The following MCOLN2 variants were observed in gnomAD, a reference collection of about 807,000 sequenced individuals.
MCOLN2 encodes mucolipin-2.
In MCOLN2, 57 loss-of-function variants were observed where a neutral mutation model predicts 67.5. The observed-to-expected ratio is 0.84, with a 90% confidence interval of 0.68 to 1.05. The LOEUF is 1.05. Among genes scored for constraint, MCOLN2 ranks in the 50% least tolerant of loss-of-function variants. MCOLN2 has a pLI of 0.00. For missense variants in MCOLN2, 620 were observed against 678.8 expected (o/e 0.91, Z 0.96); for synonymous variants, 246 against 233.3 (o/e 1.05, Z -0.50).
At chr1:84,951,602 G>A (rs1321095936) in intron 6 of MCOLN2, among the ~76,000 whole-genome samples, 1 of 152,124 alleles carries the variant, frequency 6.6e-6, no homozygotes, top group East Asian at 1.9e-4. Context: ...CTCTAAAGCT[G>A]GGAAGAACAC....
intron 1 of MCOLN2, among the ~76,000 whole-genome samples, chr1:84,983,122 C>T (rs1650341002): frequency 6.6e-6 from 1 of 152,108 alleles, no homozygotes; most frequent in South Asian, 2.1e-4. Context: ...TTTTTATCCT[C>T]ATCACAGTGA....
Position 84,958,567 on chromosome 1 carries a change from C to G in MCOLN2, c.373G>C (p.Glu125Gln). Residue 125 changes from glutamate to glutamine, a missense_variant, in exon 3 of 14, where the codon GAG becomes CAG. Coordinates refer to ENST00000370608, the MANE Select transcript of MCOLN2 (RefSeq NM_153259.4). ...AAAAAGATGCTCTCATAGGCATCCT[C>G]TTGAGTATATACACTGCAGCTGTAG... ...DDYSCSVYTQEDAYESIFFAI... is the reference protein window; with the variant it reads ...DDYSCSVYTQQDAYESIFFAI... 6.2e-7 allele frequency: 1 copy of G among 1,605,322 alleles called. No homozygotes were observed. The highest frequency in any genetic ancestry group is 8.5e-7 in the Non-Finnish European group (1 of 1,178,354).
chr1:84,950,330 G>A (rs1016330926), intron 6 of MCOLN2, among the ~76,000 whole-genome samples: 7 of 152,144 alleles, frequency 4.6e-5, no homozygotes, highest in African/African-American at 1.7e-4. Context: ...CAGACAACCA[G>A]TCCTAGGAAT....
At chr1:84,969,570 CA>C (rs60003501) in intron 1 of MCOLN2, among the ~76,000 whole-genome samples, 20,039 of 80,632 alleles carry the variant, frequency 0.25, 1,765 homozygotes, top group African/African-American at 0.42. Flanking sequence ...GACTCTGCCT[CA>C]AAAAAAAAAA....
chr1:84,984,660 G>A (rs1487081981), intron 1 of MCOLN2, among the ~76,000 whole-genome samples: 2 of 152,200 alleles, frequency 1.3e-5, no homozygotes, highest in African/African-American at 2.4e-5. Context: ...CTCTCTTCCT[G>A]TTTTGTTGAA....
intron 6 of MCOLN2, among the ~76,000 whole-genome samples, chr1:84,948,503 T>C (rs1333158387): frequency 2.0e-5 from 3 of 152,090 alleles, no homozygotes; most frequent in Admixed American, 6.6e-5. Context: ...GATGCATAGA[T>C]AACAATGTAG....
chr1:84,987,355 T>C (rs1324838489), intron 1 of MCOLN2, among the ~76,000 whole-genome samples: 1 of 142,214 alleles, frequency 7.0e-6, no homozygotes, highest in Non-Finnish European at 1.5e-5. Flanking sequence ...TAGATATATG[T>C]AGATATATAT....
At chr1:84,948,801 T>C (rs1270642919) in intron 6 of MCOLN2, among the ~76,000 whole-genome samples, 3 of 152,190 alleles carry the variant, frequency 2.0e-5, no homozygotes, top group African/African-American at 7.2e-5. Flanking sequence ...AAAATTACAA[T>C]TGAGAGCTTC....
rs368150229 is a variant in MCOLN2, at chr1:84,937,841, C to T, written c.1249G>A (p.Val417Ile). 5 of 1,614,034 alleles carry T rather than the reference C, an allele frequency of 3.1e-6. No homozygotes were observed. The African/African-American group carries it at 6.7e-5, about 22-fold the overall frequency. Residue 417 changes from valine to isoleucine, a missense_variant, in exon 11 of 14, where the codon GTT (valine) becomes ATT (isoleucine). Transcript: ENST00000370608. ...ILTMQASLPK[V>I]LRFCACAGMI... The stretch of plus-strand genomic sequence containing the variant: ...CCAGCACAAGCACAAAACCGAAGAA[C>T]TTTTGGCAGTGAGGCCTGCATTGTT...
intron 2 of MCOLN2, among the ~76,000 whole-genome samples, chr1:84,962,196 G>C (rs1649123184): frequency 6.6e-6 from 1 of 152,214 alleles, no homozygotes. Context: ...AGGGGAAACA[G>C]GGTATGCCCA....
chr1:84,956,700 A>G (rs985386303), intron 3 of MCOLN2, 116 bp from the exon 4 acceptor site: 3 of 803,146 alleles, frequency 3.7e-6, no homozygotes, highest in African/African-American at 1.8e-5. Flanking sequence ...ATGGCTCTCA[A>G]TAGAACTTCC....
intron 2 of MCOLN2, among the ~76,000 whole-genome samples, chr1:84,962,351 G>A (rs1307993520): frequency 1.3e-5 from 2 of 152,150 alleles, no homozygotes; most frequent in African/African-American, 2.4e-5. Flanking sequence ...TTCAAATCAA[G>A]TCTGGGCAAC....
chr1:84,952,414 T>G, intron 5 of MCOLN2, 32 bp downstream of exon 5: 1 of 1,568,794 alleles, frequency 6.4e-7, no homozygotes, highest in Non-Finnish European at 8.8e-7. Flanking sequence ...CACCCTCATC[T>G]CTTAGGGAAT....
At chr1:84,978,573 T>C (rs182665955) in intron 1 of MCOLN2, among the ~76,000 whole-genome samples, 1 of 152,208 alleles carries the variant, frequency 6.6e-6, no homozygotes, top group East Asian at 1.9e-4. Flanking sequence ...TTGGATACTA[T>C]GAGCAACTAT....
At chr1:84,952,976 A>G (rs1648580362) in intron 4 of MCOLN2, among the ~76,000 whole-genome samples, 1 of 152,258 alleles carries the variant, frequency 6.6e-6, no homozygotes, top group African/African-American at 2.4e-5. Context: ...CATGACAACT[A>G]AATGCCAGAT....
chr1:84,975,228 G>A (rs557246170), intron 1 of MCOLN2, among the ~76,000 whole-genome samples: 2 of 152,246 alleles, frequency 1.3e-5, no homozygotes, highest in South Asian at 2.1e-4. Context: ...AGCCGGCCTT[G>A]GGCAACACCC....
chr1:84,945,381 A>C (rs1350087754), intron 7 of MCOLN2, among the ~76,000 whole-genome samples: 4 of 152,204 alleles, frequency 2.6e-5, no homozygotes, highest in African/African-American at 9.7e-5. Flanking sequence ...GCGTATCTGT[A>C]AGAGAGTGGT....
At position 84,929,545 on chromosome 1, in the gene MCOLN2, A is replaced by G. The variant is rs376261419; in HGVS notation, c.1664+13T>C. The G allele has an allele frequency of 2.2e-5, 36 of 1,606,688 alleles. No homozygotes were observed. The African/African-American group carries it at 4.7e-4, about 21-fold the overall frequency. ...CCCATCTCAGGAGCATGGAGAATAA[A>G]CATGATACTGACCTCCTCCGACAGC... On this transcript the variant is annotated intron_variant, in intron 13 of 13. Coordinates refer to ENST00000370608, the MANE Select transcript of MCOLN2 (RefSeq NM_153259.4).
chr1:84,936,364 A>G (rs7515972), intron 11 of MCOLN2, among the ~76,000 whole-genome samples: 19 of 152,308 alleles, frequency 1.2e-4, no homozygotes, highest in African/African-American at 4.6e-4. Flanking sequence ...ATTAAAGCCG[A>G]ATCCTCAGGA....
Sources: gnomAD v4.1 joint callset for allele counts (sites outside exome capture counted in the v4.1 genomes callset) on GRCh38, gnomAD v4.1.1 for gene constraint, MANE v1.5 for transcripts, NCBI Gene and HGNC (gene_info 2026-07-23, HGNC 2026-07-21) for gene names.